ACTN4: variants seen among roughly 807,000 people sequenced by gnomAD.
ACTN4 encodes alpha-actinin-4.
ACTN4 carries 18 observed loss-of-function variants against 114.2 expected under a neutral mutation model. The ratio of observed to expected loss-of-function variants is 0.16; its 90% CI spans 0.11 to 0.23. The LOEUF is 0.23. ACTN4 is among the 10% of genes least tolerant of loss of function. The pLI, the probability that ACTN4 is intolerant of heterozygous loss-of-function variation, is 1.00. For missense variants in ACTN4, 722 were observed against 1,262.9 expected (o/e 0.57, Z 6.49); for synonymous variants, 515 against 506.3 (o/e 1.02, Z -0.23).
intron 19 of ACTN4, chr19:38,728,509 G>A (rs1460524055): frequency 1.4e-5 from 9 of 633,760 alleles, no homozygotes; most frequent in African/African-American, 4.0e-5. Flanking sequence ...ACACTCCTCC[G>A]CCCGAGCAGC....
chr19:38,673,517 T>A (rs1232534323), intron 1 of ACTN4, among the ~76,000 whole-genome samples: 2 of 80,388 alleles, frequency 2.5e-5, no homozygotes, highest in African/African-American at 4.2e-5. Flanking sequence ...GAATATATAT[T>A]TATATATATT....
rs1240210119 is a variant in ACTN4 at position 38,730,773 on chromosome 19, C to T, written c.*1341C>T. On this transcript the variant is annotated 3_prime_UTR_variant, in exon 21 of 21. Coordinates refer to ENST00000252699, the MANE Select transcript of ACTN4 (RefSeq NM_004924.6). ...CAGGTGGATGCCAGAGAGAGTGGCA[C>T]CCATGCCAGGCAAGGCCTAGGGAGG... 1 of 1,502,764 alleles carries T rather than the reference C, an allele frequency of 6.7e-7. No homozygotes were observed. The highest frequency in any genetic ancestry group is 9.0e-7 in the Non-Finnish European group (1 of 1,106,290). The allele number at this position is 1,502,764 out of a possible 1,614,324, so 93.1% of individuals were successfully genotyped here.
rs12981131 is a variant in ACTN4, at chr19:38,728,054, A to G, written c.2418+28A>G. The G allele has an allele frequency of 0.066, 104,879 of 1,589,288 alleles. 3,783 individuals carry two copies. Among genetic ancestry groups the G allele is most frequent in the South Asian group, 0.1 (8,868 of 87,792 alleles). On this transcript the variant is annotated intron_variant, in intron 19 of 20. Transcript: ENST00000252699. ...ACTGCACCCTGGGCCCCAGCGGACC[A>G]TGGCATTAACTGCTCTCTCTCTCTC...
chr19:38,717,048 T>TCCC lies in ACTN4; in HGVS notation c.913-35_913-33dup. 1 of 1,587,640 alleles carries TCCC rather than the reference T, an allele frequency of 6.3e-7. No individual in the cohort carries two copies. Among genetic ancestry groups the TCCC allele is most frequent in the Non-Finnish European group, 8.6e-7 (1 of 1,165,690 alleles). ...GGGCAGCCCGTCAGCACTCTGAGGG[T>TCCC]CCCCCACAAAGGCCACGCTGGCTTC... On this transcript the variant is annotated intron_variant, in intron 9 of 20. Transcript: ENST00000252699. This position sits in a 1 kb window ranked among gnomAD's most constrained non-coding sequence, Gnocchi z 4.0.
At chr19:38,665,388 A>G (rs1460011878) in intron 1 of ACTN4, among the ~76,000 whole-genome samples, 3 of 152,128 alleles carry the variant, frequency 2.0e-5, no homozygotes, top group Admixed American at 6.5e-5. Flanking sequence ...CGCAGGAAGC[A>G]CTCTGGTGCC....
chr19:38,717,181 C>T lies in ACTN4; in HGVS notation c.1008C>T (p.Arg336=), dbSNP rs201807868. 42 of 1,614,266 alleles carry T rather than the reference C, an allele frequency of 2.6e-5. No homozygotes were observed. Among genetic ancestry groups the T allele is most frequent in the African/African-American group, 6.7e-5 (5 of 75,064 alleles). ...TGCAGCAGAAGCTGGAGGACTTCCG[C>T]GACTACCGGCGTGTGCACAAGCCGC... is the stretch of plus-strand genomic sequence containing the variant. ...QEMQQKLEDF[R]DYRRVHKPPK... Residue 336 remains arginine, a synonymous_variant, in exon 10 of 21, where the codon CGC becomes CGT. Transcript: ENST00000252699. The surrounding 1 kb of genome is among the most constrained non-coding windows in gnomAD (Gnocchi z 4.0).
intron 11 of ACTN4, among the ~76,000 whole-genome samples, chr19:38,720,030 G>T (rs1968982873): frequency 6.6e-6 from 1 of 152,220 alleles, no homozygotes; most frequent in African/African-American, 2.4e-5. Context: ...CAGGCAGGCT[G>T]GCCTACTAAT....
intron 1 of ACTN4, among the ~76,000 whole-genome samples, chr19:38,699,712 G>A (rs1968204258): frequency 6.6e-6 from 1 of 150,630 alleles, no homozygotes; most frequent in Non-Finnish European, 1.5e-5. Context: ...CTGAGATTGC[G>A]CCACAGCACT....
In ACTN4 at chr19:38,731,374, C is replaced by T. The variant is rs1969593867; in HGVS notation, c.*1942C>T. 4 of 648,718 alleles carry T rather than the reference C, an allele frequency of 6.2e-6. No individual in the cohort carries two copies. The highest frequency in any genetic ancestry group is 1.1e-5 in the Non-Finnish European group (4 of 357,918). 40.2% of individuals were successfully genotyped at this position (648,718 alleles called of 1,614,324 possible). A position where few individuals can be genotyped will look rare whatever the true frequency, so the allele number is the denominator to read the frequency against. ...CCGGCAGGGTGAGTACAGGCTGATC[C>T]CTTCAATCCTCTGGGCCTGTTTCCT... On this transcript the variant is annotated 3_prime_UTR_variant, in exon 21 of 21. Coordinates refer to ENST00000252699, the MANE Select transcript of ACTN4 (RefSeq NM_004924.6).
chr19:38,731,183 G>A lies in ACTN4; in HGVS notation c.*1751G>A. On this transcript the variant is annotated 3_prime_UTR_variant, in exon 21 of 21. Transcript: ENST00000252699. ...CACGCAGACGGCTATCCCGGTAGCG[G>A]CTGGTGAGGGTCTGGGTCAGCTGGT... The A allele has an allele frequency of 1.2e-6, 2 of 1,612,998 alleles. No homozygotes were observed. Among genetic ancestry groups the A allele is most frequent in the African/African-American group, 1.3e-5 (1 of 75,048 alleles).
In ACTN4 at chr19:38,725,915, C is replaced by CCCCG. The variant is rs1969217427; in HGVS notation, c.2190+18_2190+21dup. Reference sequence around the variant, plus strand: ...ACTATACCATGGAGGTGCGCGGCTGCCCCGCCCGCTGGCCTTTCCACCAGC... The same window carrying CCCCG: ...ACTATACCATGGAGGTGCGCGGCTGCCCCGCCCGCCCGCTGGCCTTTCCACCAGC... On this transcript the variant is annotated intron_variant, in intron 17 of 20. Coordinates refer to ENST00000252699, the MANE Select transcript of ACTN4 (RefSeq NM_004924.6). 1.2e-6 allele frequency: 2 copies of CCCCG among 1,613,282 alleles called. No homozygotes were observed. Among genetic ancestry groups the CCCCG allele is most frequent in the African/African-American group, 2.7e-5 (2 of 74,920 alleles).
Position 38,654,405 on chromosome 19 carries a change from G to A in ACTN4, c.162+6498G>A, listed in dbSNP as rs561542642. ...GGTGAAACCCCATCTCTACTAAAATGCAAAAAATTAGCCGGGCACGGTGGT... is the reference window on the plus strand; with the variant it reads ...GGTGAAACCCCATCTCTACTAAAATACAAAAAATTAGCCGGGCACGGTGGT... On this transcript the variant is annotated intron_variant, in intron 1 of 20. Transcript: ENST00000252699. 3.3e-5 allele frequency among the ~76,000 whole-genome samples: 5 copies of A among 151,886 alleles called. No homozygotes were observed. The South Asian group carries it at 1.0e-3, about 32-fold the overall frequency.
intron 1 of ACTN4, among the ~76,000 whole-genome samples, chr19:38,670,625 CA>C (rs1473215509): frequency 6.6e-6 from 1 of 152,032 alleles, no homozygotes; most frequent in Non-Finnish European, 1.5e-5. Context: ...TGGGGCATTT[CA>C]TTCAACTTAA....
chr19:38,707,735 G>A lies in ACTN4; in HGVS notation c.573-382G>A, dbSNP rs146052287. 7.0e-4 allele frequency among the ~76,000 whole-genome samples: 106 copies of A among 152,304 alleles called. 1 individual carries two copies. In the East Asian group the frequency reaches 0.019, roughly 27 times the overall value. Reference sequence around the variant, plus strand: ...CGAAGCGGCCTGTCTGGTTCAGGGCGGCCTCCCATGGAAGGTGCTAGCAGT... The same window carrying A: ...CGAAGCGGCCTGTCTGGTTCAGGGCAGCCTCCCATGGAAGGTGCTAGCAGT... On this transcript the variant is annotated intron_variant, in intron 5 of 20. Transcript: ENST00000252699.
intron 12 of ACTN4, 131 bp downstream of exon 12, chr19:38,721,819 TC>T (rs1436193684): frequency 7.4e-7 from 1 of 1,358,312 alleles, no homozygotes; most frequent in East Asian, 2.5e-5. Context: ...CAACTGCACC[TC>T]CTTCCAGAAG....
Position 38,731,383 on chromosome 19 carries a change from C to A in ACTN4, c.*1951C>A. The A allele has an allele frequency of 1.6e-6, 1 of 636,268 alleles. No homozygotes were observed. The highest frequency in any genetic ancestry group is 2.3e-5 in the Admixed American group (1 of 43,158). 39.4% of individuals were successfully genotyped at this position (636,268 alleles called of 1,614,324 possible). ...TGAGTACAGGCTGATCCCTTCAATC[C>A]TCTGGGCCTGTTTCCTCATCCATCA... is the stretch of plus-strand genomic sequence containing the variant. On this transcript the variant is annotated 3_prime_UTR_variant, in exon 21 of 21. Transcript: ENST00000252699.
intron 1 of ACTN4, among the ~76,000 whole-genome samples, chr19:38,669,483 G>T (rs1245308724): frequency 6.6e-6 from 1 of 152,202 alleles, no homozygotes; most frequent in African/African-American, 2.4e-5. Context: ...GAGTAGATGG[G>T]ACTGGGTAGG....
In ACTN4 at chr19:38,712,763, C is replaced by T. The variant is rs537658461; in HGVS notation, c.820-1706C>T. Among the ~76,000 whole-genome samples the T allele has an allele frequency of 6.6e-5, 10 of 152,282 alleles. No individual in the cohort carries two copies. The East Asian group carries it at 9.7e-4, about 15-fold the overall frequency. The stretch of plus-strand genomic sequence containing the variant: ...CCATTGGACTCACCCCTACGGGCCC[C>T]GAACCAGCCCCCTGCCCACCACATG... On this transcript the variant is annotated intron_variant, in intron 8 of 20. Coordinates refer to ENST00000252699, the MANE Select transcript of ACTN4 (RefSeq NM_004924.6).
intron 1 of ACTN4, among the ~76,000 whole-genome samples, chr19:38,688,742 C>G (rs1192409968): frequency 6.7e-6 from 1 of 149,504 alleles, no homozygotes; most frequent in African/African-American, 2.5e-5. Flanking sequence ...CAAAAAAAAA[C>G]AGAAAACCAC....
Sources: allele counts gnomAD v4.1 joint callset (sites outside exome capture counted in the v4.1 genomes callset), GRCh38; gene constraint gnomAD v4.1.1; non-coding constraint Gnocchi (gnomAD v3.1); transcripts MANE v1.5; gene names NCBI Gene and HGNC (gene_info 2026-07-23, HGNC 2026-07-21).